NEK7: variants seen among roughly 807,000 people sequenced by gnomAD.
The protein encoded by NEK7 is NIMA related kinase 7, also known as serine/threonine-protein kinase Nek7.
NEK7 carries 18 observed loss-of-function variants against 44.6 expected under a neutral mutation model. The observed-to-expected ratio is 0.40, with a 90% CI of 0.28 to 0.60. The LOEUF (loss-of-function observed/expected upper bound fraction) is 0.60. Among genes scored for constraint, NEK7 ranks in the 20% least tolerant of loss-of-function variants. The probability of loss-of-function intolerance (pLI) is 0.38; values close to 1 mark genes in which losing one functional copy is unlikely to be tolerated. For missense variants in NEK7, 256 were observed against 366.5 expected (o/e 0.70, Z 2.46); for synonymous variants, 130 against 121.1 (o/e 1.07, Z -0.48).
intron 7 of NEK7, among the ~76,000 whole-genome samples, chr1:198,282,298 T>C (rs558817791): frequency 4.6e-5 from 7 of 152,214 alleles, no homozygotes; most frequent in Admixed American, 4.6e-4. Context: ...TGGTTCCTTG[T>C]TGCCTGAAGA....
chr1:198,198,233 C>T (rs973930669), intron 1 of NEK7: 44 of 616,658 alleles, frequency 7.1e-5, no homozygotes, highest in Non-Finnish European at 1.1e-4. Flanking sequence ...GGGCTTGATG[C>T]ATTCTCCTCA....
intron 9 of NEK7, among the ~76,000 whole-genome samples, chr1:198,298,237 TA>T (rs1282500444): frequency 6.6e-6 from 1 of 152,220 alleles, no homozygotes; most frequent in East Asian, 1.9e-4. Context: ...ACTTATTAGG[TA>T]ATCATGTCAG....
intron 1 of NEK7, among the ~76,000 whole-genome samples, chr1:198,200,777 C>T (rs1008679026): frequency 6.6e-5 from 10 of 152,256 alleles, no homozygotes; most frequent in South Asian, 2.1e-4. Flanking sequence ...TCTCAAACTC[C>T]TGACCCCAGA....
At chr1:198,251,428 T>C (rs1369474183) in intron 2 of NEK7, among the ~76,000 whole-genome samples, 2 of 134,756 alleles carry the variant, frequency 1.5e-5, no homozygotes, top group African/African-American at 2.9e-5. Flanking sequence ...TTTCTGTTGA[T>C]TGGAATAGTT....
In NEK7 at chr1:198,264,173, G is replaced by C. The variant is rs1387923697; in HGVS notation, c.310G>C (p.Asp104His). The C allele has an allele frequency of 5.6e-6, 9 of 1,605,824 alleles. No individual in the cohort carries two copies. Among genetic ancestry groups the C allele is most frequent in the Non-Finnish European group, 7.7e-6 (9 of 1,176,306 alleles). Residue 104 changes from aspartate to histidine, a missense_variant, in exon 5 of 10, where the codon GAT becomes CAT. Around this residue, in one of 3 missense-constraint regions of NEK7, gnomAD observed 102 missense variants for 205.2 expected, o/e 0.50. Coordinates refer to ENST00000367385, the MANE Select transcript of NEK7 (RefSeq NM_133494.3). Reference sequence around the variant, plus strand: ...AAAATATTATGCATCATTCATTGAAGATAATGAACTAAACATAGTTTTGGA... The same window carrying C: ...AAAATATTATGCATCATTCATTGAACATAATGAACTAAACATAGTTTTGGA... Reference protein sequence around the residue: ...VIKYYASFIEDNELNIVLELA... With the variant: ...VIKYYASFIEHNELNIVLELA...
intron 1 of NEK7, among the ~76,000 whole-genome samples, chr1:198,191,091 G>A (rs377076976): frequency 2.0e-3 from 309 of 151,900 alleles, no homozygotes; most frequent in African/African-American, 6.9e-3. Context: ...ACACATCAAG[G>A]GGTCCTAGGC....
intron 1 of NEK7, among the ~76,000 whole-genome samples, chr1:198,214,752 T>C (rs2102827317): frequency 6.6e-6 from 1 of 152,296 alleles, no homozygotes; most frequent in Non-Finnish European, 1.5e-5. Flanking sequence ...TTGGAAAACC[T>C]ATTTGAGGGA....
chr1:198,182,595 G>T lies in NEK7; in HGVS notation c.-29+25319G>T, dbSNP rs543694237. 5.3e-5 allele frequency among the ~76,000 whole-genome samples: 8 copies of T among 152,276 alleles called. 1 individual carries two copies. In the East Asian group the frequency reaches 1.5e-3, roughly 29 times the overall value. Reference sequence around the variant, plus strand: ...TAATTAATCTGGAAAAAAATGCAGGGATTTTGGAATTATTTTTTGGAAACA... The same window carrying T: ...TAATTAATCTGGAAAAAAATGCAGGTATTTTGGAATTATTTTTTGGAAACA... On this transcript the variant is annotated intron_variant, in intron 1 of 9. Coordinates refer to ENST00000367385, the MANE Select transcript of NEK7 (RefSeq NM_133494.3).
chr1:198,236,130 T>C (rs532518880), intron 2 of NEK7, among the ~76,000 whole-genome samples: 9 of 152,190 alleles, frequency 5.9e-5, no homozygotes, highest in Non-Finnish European at 8.8e-5. Context: ...AGTATCCCTC[T>C]CTATTGAGTG....
At chr1:198,166,041 ACT>A in intron 1 of NEK7, among the ~76,000 whole-genome samples, 1 of 151,956 alleles carries the variant, frequency 6.6e-6, no homozygotes, top group Admixed American at 6.6e-5. Flanking sequence ...CTTCCTCACC[ACT>A]CTCAGCCTTC....
intron 5 of NEK7, among the ~76,000 whole-genome samples, chr1:198,266,383 A>G (rs140494313): frequency 6.6e-6 from 1 of 152,062 alleles, no homozygotes; most frequent in East Asian, 1.9e-4. Context: ...TCTAGATTTT[A>G]TTTTTTCATT....
At chr1:198,161,777 A>G (rs1237775269) in intron 1 of NEK7, among the ~76,000 whole-genome samples, 5 of 152,014 alleles carry the variant, frequency 3.3e-5, no homozygotes, top group Non-Finnish European at 4.4e-5. Context: ...CCTGCTTCTG[A>G]CTAAAGCGAC....
At chr1:198,171,462 C>T (rs1391943078) in intron 1 of NEK7, among the ~76,000 whole-genome samples, 1 of 151,848 alleles carries the variant, frequency 6.6e-6, no homozygotes, top group African/African-American at 2.4e-5. Context: ...GGGTGGATCA[C>T]GAGGTCAGGA....
chr1:198,185,190 A>ATTTTTTTTTTT (rs919588030), intron 1 of NEK7, among the ~76,000 whole-genome samples: 2 of 83,816 alleles, frequency 2.4e-5, no homozygotes, highest in Non-Finnish European at 4.6e-5. Context: ...CATGCTGTCT[A>ATTTTTTTTTTT]TTTTTTTTTT....
rs189405924 is a variant in NEK7, at chr1:198,319,251, T to C, written c.799-161T>C. Reference sequence around the variant, plus strand: ...ATAGAACATTTAACTTATTGTAAGATCATTGGCAGCAGTCTTATATATATT... The same window carrying C: ...ATAGAACATTTAACTTATTGTAAGACCATTGGCAGCAGTCTTATATATATT... On this transcript the variant is annotated intron_variant, in intron 9 of 9. Transcript: ENST00000367385. Among the ~76,000 whole-genome samples the C allele has an allele frequency of 1.2e-3, 177 of 152,342 alleles. 2 individuals are homozygous for C. The highest frequency in any genetic ancestry group is 4.2e-3 in the African/African-American group (173 of 41,586).
chr1:198,306,532 CA>C (rs1455310651), intron 9 of NEK7, among the ~76,000 whole-genome samples: 4 of 152,126 alleles, frequency 2.6e-5, no homozygotes, highest in African/African-American at 9.7e-5. Context: ...TTATAATACA[CA>C]GGTGACTATT....
chr1:198,226,760 G>T (rs1417192656), intron 1 of NEK7, among the ~76,000 whole-genome samples: 3 of 151,790 alleles, frequency 2.0e-5, no homozygotes, highest in Non-Finnish European at 4.4e-5. Context: ...AACTTCTCCT[G>T]CCCTTTCACC....
At chr1:198,255,799 A>G (rs1004389903) in intron 3 of NEK7, among the ~76,000 whole-genome samples, 13 of 152,138 alleles carry the variant, frequency 8.5e-5, no homozygotes, top group Non-Finnish European at 1.8e-4. Context: ...TATTGTGAAG[A>G]TATTCTTACC....
Position 198,297,343 on chromosome 1 carries a change from A to G in NEK7, c.798+103A>G, listed in dbSNP as rs1052528782. On this transcript the variant is annotated intron_variant, in intron 9 of 9. Transcript: ENST00000367385. ...ATCCAAAAATGAAAATGAATGGTAT[A>G]GGTAGCAGAACTAGCACTTTTTAAT... The G allele has an allele frequency of 2.8e-6, 4 of 1,410,098 alleles. No homozygotes were observed. In the African/African-American group the frequency reaches 5.7e-5, roughly 20 times the overall value. 87.3% of individuals were successfully genotyped at this position (1,410,098 alleles called of 1,614,324 possible).
Sources: allele counts gnomAD v4.1 joint callset (sites outside exome capture counted in the v4.1 genomes callset), GRCh38; gene constraint gnomAD v4.1.1; regional missense constraint gnomAD v4.1.1; transcripts MANE v1.5; gene names NCBI Gene and HGNC (gene_info 2026-07-23, HGNC 2026-07-21).